The following PLPBP variants were observed in gnomAD, a reference collection of about 807,000 sequenced individuals.
The protein encoded by PLPBP is pyridoxal phosphate homeostasis protein.
Under a neutral mutation model 31.2 loss-of-function variants are expected in PLPBP, and 21 were observed. That is an observed-to-expected ratio of 0.67 (90% CI 0.48 to 0.97). The LOEUF is 0.97. PLPBP is among the 50% of genes least tolerant of loss of function. PLPBP has a pLI of 0.00. For synonymous variants in PLPBP, 124 were observed against 135.6 expected (o/e 0.91, Z 0.59); for missense variants, 308 against 354.4 (o/e 0.87, Z 1.05).
chr8:37,769,422 A>C (rs1803717007), intron 4 of PLPBP, among the ~76,000 whole-genome samples: 1 of 152,012 alleles, frequency 6.6e-6, no homozygotes, highest in African/African-American at 2.4e-5. Flanking sequence ...CTGCATGTCA[A>C]AGCAAAAGGG....
intron 1 of PLPBP, among the ~76,000 whole-genome samples, chr8:37,763,994 G>A (rs1228186368): frequency 6.6e-6 from 1 of 151,376 alleles, no homozygotes; most frequent in East Asian, 1.9e-4. Flanking sequence ...GGTCGTGAGA[G>A]GATGTCACAT....
rs373421233 is a variant in PLPBP, at chr8:37,765,643, C to T, written c.207+10C>T. On this transcript the variant is annotated intron_variant, in intron 2 of 7. Coordinates refer to ENST00000328195, the MANE Select transcript of PLPBP (RefSeq NM_007198.4). ...TTTTGGCGAGAACTACGTAAGAGCC[C>T]TTTCCTGAAGCCCTTTGGAAGCATC... is the stretch of plus-strand genomic sequence containing the variant. 3.1e-6 allele frequency: 5 copies of T among 1,614,082 alleles called. No homozygotes were observed. The highest frequency in any genetic ancestry group is 2.7e-5 in the African/African-American group (2 of 74,936).
In PLPBP at chr8:37,765,582, C is replaced by G; in HGVS notation, c.156C>G (p.Asp52Glu). The G allele has an allele frequency of 6.2e-7, 1 of 1,614,134 alleles. No individual in the cohort carries two copies. The highest frequency in any genetic ancestry group is 8.5e-7 in the Non-Finnish European group (1 of 1,179,986). ...CGGTCAGCAAAACCAAACCTGCAGA[C>G]ATGGTGATCGAGGCCTATGGACATG... ...LVAVSKTKPA[D>E]MVIEAYGHGQ... Residue 52 changes from aspartate to glutamate, a missense_variant, in exon 2 of 8, where the codon GAC becomes GAG. Transcript: ENST00000328195.
At chr8:37,776,132 T>A in intron 7 of PLPBP, 116 bp downstream of exon 7, 1 of 938,780 alleles carries the variant, frequency 1.1e-6, no homozygotes. Flanking sequence ...GGGATGGCAG[T>A]AAGGTACCCA....
At chr8:37,770,062 G>T (rs752364749) in intron 4 of PLPBP, among the ~76,000 whole-genome samples, 5 of 152,118 alleles carry the variant, frequency 3.3e-5, no homozygotes. Context: ...TGTCCTTATT[G>T]CCCAAAGCAA....
chr8:37,765,377 T>C (rs1315694556), intron 1 of PLPBP, 149 bp from the exon 2 acceptor site: 2 of 706,966 alleles, frequency 2.8e-6, no homozygotes, highest in Middle Eastern at 4.1e-4. Context: ...CACTATTTGA[T>C]ATTGATCTGC....
chr8:37,767,046 C>CAAAAAA (rs377103424), intron 4 of PLPBP, among the ~76,000 whole-genome samples: 12 of 57,132 alleles, frequency 2.1e-4, no homozygotes, highest in East Asian at 1.2e-3. Flanking sequence ...GACTTCATCC[C>CAAAAAA]AAAAAAAAAA....
chr8:37,765,421 C>A (rs1171802784), intron 1 of PLPBP, 105 bp from the exon 2 acceptor site: 12 of 1,059,106 alleles, frequency 1.1e-5, no homozygotes, highest in Admixed American at 1.9e-5. Context: ...TTACCTAATG[C>A]CAAGTTGAGA....
At chr8:37,765,483 T>G (rs1225513919) in intron 1 of PLPBP, 43 bp from the exon 2 acceptor site, 1 of 1,561,142 alleles carries the variant, frequency 6.4e-7, no homozygotes, top group Non-Finnish European at 8.8e-7. Flanking sequence ...ATTGGGGTAC[T>G]GTTCCCAAAC....
chr8:37,775,833 C>G, intron 6 of PLPBP, 85 bp from the exon 7 acceptor site: 5 of 1,324,034 alleles, frequency 3.8e-6, no homozygotes, highest in Non-Finnish European at 5.4e-6. Flanking sequence ...AATACATAAC[C>G]GTTGTCAGAG....
intron 1 of PLPBP, among the ~76,000 whole-genome samples, chr8:37,763,271 G>A (rs1017043591): frequency 1.4e-4 from 22 of 152,212 alleles, no homozygotes; most frequent in African/African-American, 5.1e-4. Context: ...TTATGGGGCA[G>A]GAGGGAGAAG....
intron 4 of PLPBP, among the ~76,000 whole-genome samples, chr8:37,772,149 A>G (rs932991696): frequency 2.0e-5 from 3 of 152,216 alleles, no homozygotes; most frequent in Non-Finnish European, 4.4e-5. Flanking sequence ...ATAGTTATGT[A>G]AACTGTGATA....
At chr8:37,768,940 A>G (rs1419229093) in intron 4 of PLPBP, among the ~76,000 whole-genome samples, 1 of 152,224 alleles carries the variant, frequency 6.6e-6, no homozygotes, top group Non-Finnish European at 1.5e-5. Context: ...AAATAATCTA[A>G]CTTGAAAATA....
At position 37,778,079 on chromosome 8, in the gene PLPBP, C is replaced by A; in HGVS notation, c.803C>A (p.Pro268Gln). The A allele has an allele frequency of 6.2e-7, 1 of 1,613,514 alleles. No homozygotes were observed. The highest frequency in any genetic ancestry group is 1.1e-5 in the South Asian group (1 of 91,058). The stretch of plus-strand genomic sequence containing the variant: ...AAGTGCGCAGCAGACGTGAAGGCCC[C>A]GCTGGAGGTGGCACAGGAGCACTGA... ...PDKCAADVKA[P>Q]LEVAQEH The change falls in exon 8 of 8, where the codon CCG becomes CAG. Residue 268 changes from proline (P) to glutamine (Q), a missense_variant. Around this residue, in one of 2 missense-constraint regions of PLPBP, gnomAD observed 188 missense variants for 259.3 expected, o/e 0.73. Coordinates refer to ENST00000328195, the MANE Select transcript of PLPBP (RefSeq NM_007198.4).
At chr8:37,767,217 ATATT>A (rs1803656714) in intron 4 of PLPBP, among the ~76,000 whole-genome samples, 1 of 152,204 alleles carries the variant, frequency 6.6e-6, no homozygotes, top group Non-Finnish European at 1.5e-5. Context: ...TACATTGCAC[ATATT>A]TAAAGTATAG....
chr8:37,775,562 G>A, intron 6 of PLPBP, 81 bp downstream of exon 6: 1 of 1,576,400 alleles, frequency 6.3e-7, no homozygotes, highest in Non-Finnish European at 8.7e-7. Context: ...CTGCAGTGGG[G>A]ATTGCAGAGT....
In PLPBP at chr8:37,762,756, C is replaced by T; in HGVS notation, c.97C>T (p.Arg33Trp). The T allele has an allele frequency of 1.3e-6, 2 of 1,561,232 alleles. No individual in the cohort carries two copies. Among genetic ancestry groups the T allele is most frequent in the Non-Finnish European group, 1.7e-6 (2 of 1,160,546 alleles). The change falls in exon 1 of 8, where the codon CGG (arginine) becomes TGG (tryptophan). Residue 33 changes from arginine (R) to tryptophan (W), a missense_variant and splice_region_variant. Coordinates refer to ENST00000328195, the MANE Select transcript of PLPBP (RefSeq NM_007198.4). ...RVQQAVARRP[R>W]DLPAIQPRLV... is the part of the protein sequence containing the mutation. ...GCAGCAGGCTGTGGCGCGGCGGCCG[C>T]GGGTGAGGAAGGAGGCTGCGTGGGG...
chr8:37,768,465 CTTTTTTTT>C (rs903134254), intron 4 of PLPBP, among the ~76,000 whole-genome samples: 5 of 76,826 alleles, frequency 6.5e-5, no homozygotes, highest in Admixed American at 3.7e-4. Context: ...TTTTGATTTT[CTTTTTTTT>C]TTTTTTTTTT....
intron 4 of PLPBP, among the ~76,000 whole-genome samples, chr8:37,768,042 T>C (rs1207472689): frequency 2.0e-5 from 3 of 152,076 alleles, no homozygotes; most frequent in African/African-American, 7.2e-5. Flanking sequence ...CCTGACCTTG[T>C]GATCCACCCG....
Sources: allele counts gnomAD v4.1 joint callset (sites outside exome capture counted in the v4.1 genomes callset), GRCh38; gene constraint gnomAD v4.1.1; regional missense constraint gnomAD v4.1.1; transcripts MANE v1.5; gene names NCBI Gene and HGNC (gene_info 2026-07-23, HGNC 2026-07-21).